The following INPP5A variants were observed in gnomAD, a reference collection of about 807,000 sequenced individuals.
The protein encoded by INPP5A is 43 kDa inositol polyphosphate 5-phophatase.
Under a neutral mutation model 65.2 loss-of-function variants are expected in INPP5A, and 14 were observed. The ratio of observed to expected loss-of-function variants is 0.21; its 90% CI spans 0.14 to 0.34. The LOEUF (loss-of-function observed/expected upper bound fraction) is 0.34. Ranked by LOEUF, INPP5A falls within the 10% of genes least tolerant of loss-of-function variation. The pLI is 1.00. For synonymous variants in INPP5A, 207 were observed against 208.3 expected (o/e 0.99, Z 0.05); for missense variants, 431 against 545.6 (o/e 0.79, Z 2.09).
chr10:132,601,699 A>G (rs2071779400), intron 1 of INPP5A, among the ~76,000 whole-genome samples: 1 of 152,170 alleles, frequency 6.6e-6, no homozygotes. Flanking sequence ...ATTCTTTTGC[A>G]TGCGGTTATC....
chr10:132,540,765 CA>C (rs2133238621), intron 1 of INPP5A, among the ~76,000 whole-genome samples: 1 of 152,358 alleles, frequency 6.6e-6, no homozygotes, highest in African/African-American at 2.4e-5. Context: ...AGGCAGTGCT[CA>C]GGCTGTGAAG....
At chr10:132,714,343 A>G (rs537804167) in intron 8 of INPP5A, among the ~76,000 whole-genome samples, 2 of 152,196 alleles carry the variant, frequency 1.3e-5, no homozygotes, top group South Asian at 4.1e-4. Flanking sequence ...TCGCCCTTTC[A>G]CCGCGGCTGC....
At chr10:132,655,736 A>G (rs56664893) in intron 4 of INPP5A, among the ~76,000 whole-genome samples, 2,125 of 152,304 alleles carry the variant, frequency 0.014, 55 homozygotes, top group African/African-American at 0.049. Flanking sequence ...GAAGCCCAGA[A>G]GATGTATTTA....
At chr10:132,608,055 G>A in intron 2 of INPP5A, 99 bp downstream of exon 2, 1 of 1,084,988 alleles carries the variant, frequency 9.2e-7, no homozygotes, top group Non-Finnish European at 1.4e-6. Flanking sequence ...GTGTCTATGG[G>A]GAGCGCAGGC....
rs568855699 is a variant in INPP5A at position 132,676,721 on chromosome 10, G to T, written c.307-13671G>T. On this transcript the variant is annotated intron_variant, in intron 4 of 15. Coordinates refer to ENST00000368594, the MANE Select transcript of INPP5A (RefSeq NM_005539.5). The surrounding 1 kb of genome is among the most constrained non-coding windows in gnomAD (Gnocchi z 4.0). ...TGCTCCAAGGTGCCACCTGCCCAAG[G>T]TTCCGTCCTAGTCCCTGACCGGCCC... 4.1e-4 allele frequency among the ~76,000 whole-genome samples: 62 copies of T among 152,228 alleles called. No individual in the cohort carries two copies. The highest frequency in any genetic ancestry group is 1.9e-4 in the East Asian group (1 of 5,186).
chr10:132,627,051 GC>G lies in INPP5A; in HGVS notation c.118-18811del, dbSNP rs888207978. ...GGGGTGAGATGAGGTTATGCGGTGG[GC>G]CCCCCGGATGGGATGGGTGCCCTTA... On this transcript the variant is annotated intron_variant, in intron 2 of 15. Transcript: ENST00000368594. The surrounding 1 kb of genome is among the most constrained non-coding windows in gnomAD (Gnocchi z 6.6). Among the ~76,000 whole-genome samples the G allele has an allele frequency of 6.6e-6, 1 of 151,956 alleles. No homozygotes were observed. The highest frequency in any genetic ancestry group is 1.5e-5 in the Non-Finnish European group (1 of 67,984).
chr10:132,589,062 G>C (rs971313116), intron 1 of INPP5A, among the ~76,000 whole-genome samples: 1 of 152,116 alleles, frequency 6.6e-6, no homozygotes, highest in African/African-American at 2.4e-5. Flanking sequence ...GTCGCCATCA[G>C]TGGTCACTGT....
chr10:132,550,388 G>A lies in INPP5A; in HGVS notation c.75+12217G>A, dbSNP rs1383365490. On this transcript the variant is annotated intron_variant, in intron 1 of 15. Coordinates refer to ENST00000368594, the MANE Select transcript of INPP5A (RefSeq NM_005539.5). The surrounding 1 kb of genome is among the most constrained non-coding windows in gnomAD (Gnocchi z 4.2). ...GTCAGTGGTTTTTGGGAGTCCAGGT[G>A]CAGGTCTCAGCAGCAACTCTGAGGT... Among the ~76,000 whole-genome samples the A allele has an allele frequency of 6.6e-6, 1 of 152,208 alleles. No homozygotes were observed. Among genetic ancestry groups the A allele is most frequent in the East Asian group, 1.9e-4 (1 of 5,194 alleles).
chr10:132,580,172 G>A (rs1285992536), intron 1 of INPP5A, among the ~76,000 whole-genome samples: 1 of 152,136 alleles, frequency 6.6e-6, no homozygotes, highest in East Asian at 1.9e-4. Context: ...GGAAAAGAAA[G>A]CCTGCTGGGT....
chr10:132,625,078 G>T (rs2072164472), intron 2 of INPP5A, among the ~76,000 whole-genome samples: 1 of 150,500 alleles, frequency 6.6e-6, no homozygotes, highest in Non-Finnish European at 1.5e-5. Context: ...CACAGGCTGA[G>T]CCTTGGAGGC....
intron 11 of INPP5A, among the ~76,000 whole-genome samples, chr10:132,755,049 G>A (rs144257488): frequency 2.0e-5 from 3 of 151,970 alleles, no homozygotes; most frequent in African/African-American, 4.8e-5. Flanking sequence ...TCGTATGCAT[G>A]TGTGTGATCA....
At chr10:132,664,732 G>T (rs896927090) in intron 4 of INPP5A, among the ~76,000 whole-genome samples, 2 of 152,200 alleles carry the variant, frequency 1.3e-5, no homozygotes, top group South Asian at 2.1e-4. Flanking sequence ...TTGCCATTTG[G>T]CTTGGCACCT....
At position 132,574,683 on chromosome 10, in the gene INPP5A, A is replaced by T. The variant is rs192001170; in HGVS notation, c.76-33232A>T. On this transcript the variant is annotated intron_variant, in intron 1 of 15. Transcript: ENST00000368594. ...TTATTTTATTTTATTTTTTGTAGAG[A>T]TGGGGTCTCAGTATTTTTTTTTTTT... Among the ~76,000 whole-genome samples the T allele has an allele frequency of 5.1e-3, 607 of 119,570 alleles. 6 individuals are homozygous for T. The highest frequency in any genetic ancestry group is 0.019 in the African/African-American group (577 of 31,014). The allele number at this position is 119,570 out of a possible 152,430, so 78.4% of individuals were successfully genotyped here.
intron 2 of INPP5A, among the ~76,000 whole-genome samples, chr10:132,628,422 T>C (rs1316467411): frequency 7.6e-6 from 1 of 132,074 alleles, no homozygotes; most frequent in Non-Finnish European, 1.6e-5. Context: ...CCCTGTGCCC[T>C]ATGGTGGCCG....
At chr10:132,539,680 GCTCCCTCC>G (rs538466893) in intron 1 of INPP5A, among the ~76,000 whole-genome samples, 68 of 151,480 alleles carry the variant, frequency 4.5e-4, no homozygotes, top group Admixed American at 3.8e-3. Context: ...AGCCACGGAC[GCTCCCTCC>G]CTCCCTCCCT....
chr10:132,739,247 G>T (rs1328028291), intron 9 of INPP5A, among the ~76,000 whole-genome samples: 9 of 150,820 alleles, frequency 6.0e-5, no homozygotes, highest in Admixed American at 5.9e-4. Context: ...CTTCACTGGG[G>T]GCTGAGCATG....
intron 3 of INPP5A, among the ~76,000 whole-genome samples, chr10:132,646,643 A>C (rs2133392785): frequency 6.6e-6 from 1 of 152,282 alleles, no homozygotes; most frequent in South Asian, 2.1e-4. Context: ...GCCTTGGCAC[A>C]TTCCCATGTT....
chr10:132,630,428 G>A (rs1174651230), intron 2 of INPP5A, among the ~76,000 whole-genome samples: 2 of 152,020 alleles, frequency 1.3e-5, no homozygotes, highest in South Asian at 2.1e-4. Flanking sequence ...AGGGAAAGGT[G>A]CCCATGAGGG....
chr10:132,591,832 C>G (rs2071623711), intron 1 of INPP5A, among the ~76,000 whole-genome samples: 1 of 152,172 alleles, frequency 6.6e-6, no homozygotes, highest in Admixed American at 6.5e-5. Context: ...GGGTCTCATT[C>G]CCTCCCCCGA....
Sources: gnomAD v4.1 joint callset for allele counts (sites outside exome capture counted in the v4.1 genomes callset) on GRCh38, gnomAD v4.1.1 for gene constraint, Gnocchi (gnomAD v3.1) non-coding constraint, MANE v1.5 for transcripts, NCBI Gene and HGNC (gene_info 2026-07-23, HGNC 2026-07-21) for gene names.